The following SAMD12 variants were observed in gnomAD, a reference collection of about 807,000 sequenced individuals.
The protein encoded by SAMD12 is sterile alpha motif domain-containing protein 12.
In SAMD12, 9 loss-of-function variants were observed where a neutral mutation model predicts 15.0. That is an observed-to-expected ratio of 0.60 (90% CI 0.36 to 1.05). The LOEUF is 1.05. Among genes scored for constraint, SAMD12 ranks in the 50% least tolerant of loss-of-function variants. The pLI, the probability that SAMD12 is intolerant of heterozygous loss-of-function variation, is 0.01. For synonymous variants in SAMD12, 86 were observed against 90.1 expected (o/e 0.96, Z 0.25); for missense variants, 230 against 234.2 (o/e 0.98, Z 0.12).
the SAMD12 span, among the ~76,000 whole-genome samples, chr8:118,139,352 A>C: frequency 6.6e-6 from 1 of 152,082 alleles, no homozygotes; most frequent in Non-Finnish European, 1.5e-5. Context: ...TCTATTCTTT[A>C]TTTGTTTAGT....
chr8:118,550,011 A>C (rs1271578974), intron 2 of SAMD12, among the ~76,000 whole-genome samples: 1 of 152,226 alleles, frequency 6.6e-6, no homozygotes, highest in Non-Finnish European at 1.5e-5. Flanking sequence ...AAAACCTCCA[A>C]GAAATATGGG....
chr8:118,594,244 A>AC (rs921795093), intron 1 of SAMD12, among the ~76,000 whole-genome samples: 4 of 152,162 alleles, frequency 2.6e-5, no homozygotes, highest in Admixed American at 2.6e-4. Context: ...AAGAAAAAAA[A>AC]CAGCTCTGTA....
chr8:118,345,919 A>G (rs1039802462), intron 4 of SAMD12, among the ~76,000 whole-genome samples: 1 of 150,172 alleles, frequency 6.7e-6, no homozygotes. Flanking sequence ...AGCCATGAAG[A>G]ATGTGGAGGA....
intron 4 of SAMD12, among the ~76,000 whole-genome samples, chr8:118,261,476 G>T (rs1420747293): frequency 6.6e-6 from 1 of 152,046 alleles, no homozygotes; most frequent in African/African-American, 2.4e-5. Context: ...TTCAGCAAAA[G>T]TTTCCACCCA....
At chr8:118,207,764 GCTTCTCTGTTGA>G (rs1402736096) in intron 4 of SAMD12, among the ~76,000 whole-genome samples, 1 of 151,640 alleles carries the variant, frequency 6.6e-6, no homozygotes, top group African/African-American at 2.4e-5. Context: ...AATTTCAAGG[GCTTCTCTGTTGA>G]CTGATCCAAC....
At chr8:118,261,633 ATT>A (rs11432849) in intron 4 of SAMD12, among the ~76,000 whole-genome samples, 30 of 143,498 alleles carry the variant, frequency 2.1e-4, no homozygotes, top group South Asian at 2.3e-4. Context: ...AAAACACATG[ATT>A]TTTTTTTTTT....
In SAMD12 at chr8:118,593,665, C is replaced by T. The variant is rs148012325; in HGVS notation, c.14-12772G>A. On this transcript the variant is annotated intron_variant, in intron 1 of 3. Coordinates refer to ENST00000314727, the MANE Select transcript of SAMD12 (RefSeq NM_207506.3). ...TGCAAGTTTGAAAAATTATCAGTGT[C>T]CTTTAACACTGGGAGAACCCAATGT... Among the ~76,000 whole-genome samples the T allele has an allele frequency of 3.6e-3, 551 of 152,134 alleles. 2 individuals are homozygous for T. Among genetic ancestry groups the T allele is most frequent in the African/African-American group, 0.013 (539 of 41,506 alleles).
At chr8:118,155,045 T>C in the SAMD12 span, among the ~76,000 whole-genome samples, 1 of 152,168 alleles carries the variant, frequency 6.6e-6, no homozygotes, top group Non-Finnish European at 1.5e-5. Flanking sequence ...TAATTAAATT[T>C]TAGTTACATC....
At chr8:118,279,083 A>G (rs1044807722) in intron 4 of SAMD12, among the ~76,000 whole-genome samples, 19 of 152,146 alleles carry the variant, frequency 1.2e-4, no homozygotes, top group Admixed American at 1.3e-4. Context: ...ATTCAGTGTA[A>G]TTTCCCCAAA....
At chr8:118,449,538 G>A (rs998083711) in intron 2 of SAMD12, among the ~76,000 whole-genome samples, 21 of 151,844 alleles carry the variant, frequency 1.4e-4, no homozygotes, top group Non-Finnish European at 2.5e-4. Context: ...TAGGCCGGGC[G>A]TGGTGGCTCA....
At chr8:118,581,676 C>G (rs980673934) in intron 1 of SAMD12, among the ~76,000 whole-genome samples, 4 of 152,114 alleles carry the variant, frequency 2.6e-5, no homozygotes, top group Non-Finnish European at 5.9e-5. Context: ...ACTGAGCCCC[C>G]CTATGTACCC....
chr8:118,489,784 G>T (rs1160314729), intron 2 of SAMD12, among the ~76,000 whole-genome samples: 2 of 152,076 alleles, frequency 1.3e-5, no homozygotes, highest in East Asian at 3.8e-4. Flanking sequence ...CTGTTTTATT[G>T]TGTTTCTTAT....
At chr8:118,575,873 C>T (rs1294177579) in intron 2 of SAMD12, among the ~76,000 whole-genome samples, 1 of 152,146 alleles carries the variant, frequency 6.6e-6, no homozygotes, top group Non-Finnish European at 1.5e-5. Flanking sequence ...AGATAGGAAA[C>T]AGATAGGATA....
chr8:118,368,437 C>T (rs1818912768), intron 4 of SAMD12, among the ~76,000 whole-genome samples: 1 of 152,110 alleles, frequency 6.6e-6, no homozygotes, highest in Non-Finnish European at 1.5e-5. Context: ...GAGAGTGTCA[C>T]TCAGGAGAAC....
At chr8:118,422,046 T>A (rs561071171) in intron 3 of SAMD12, among the ~76,000 whole-genome samples, 1 of 152,210 alleles carries the variant, frequency 6.6e-6, no homozygotes, top group South Asian at 2.1e-4. Flanking sequence ...AAGTATAGGA[T>A]GAGCTTCATG....
At chr8:118,455,650 G>T (rs1199909630) in intron 2 of SAMD12, among the ~76,000 whole-genome samples, 2 of 151,984 alleles carry the variant, frequency 1.3e-5, no homozygotes, top group Non-Finnish European at 1.5e-5. Context: ...TTTACCAGCT[G>T]CCTACTCGAT....
chr8:118,447,403 A>G (rs1297009847), intron 2 of SAMD12, among the ~76,000 whole-genome samples: 3 of 151,836 alleles, frequency 2.0e-5, no homozygotes, highest in Non-Finnish European at 4.4e-5. Context: ...CCCAGGTTCA[A>G]GAGATTCTCC....
At chr8:118,334,020 G>A (rs868073145) in intron 4 of SAMD12, among the ~76,000 whole-genome samples, 1 of 152,032 alleles carries the variant, frequency 6.6e-6, no homozygotes, top group East Asian at 1.9e-4. Context: ...CACCCCTTCA[G>A]TGCCCATCCT....
At chr8:118,535,053 T>G (rs1382306103) in intron 2 of SAMD12, among the ~76,000 whole-genome samples, 1 of 151,120 alleles carries the variant, frequency 6.6e-6, no homozygotes, top group Admixed American at 6.6e-5. Context: ...TTCAGCTTTT[T>G]GCTCTGTTTT....
Sources: gnomAD v4.1 joint callset for allele counts (sites outside exome capture counted in the v4.1 genomes callset) on GRCh38, gnomAD v4.1.1 for gene constraint, MANE v1.5 for transcripts, NCBI Gene and HGNC (gene_info 2026-07-23, HGNC 2026-07-21) for gene names.